NFIA: variants seen among roughly 807,000 people sequenced by gnomAD.
NFIA encodes nuclear factor I A.
In NFIA, 8 loss-of-function variants were observed where a neutral mutation model predicts 62.8. The ratio of observed to expected loss-of-function variants is 0.13; its 90% confidence interval spans 0.07 to 0.23. NFIA has a LOEUF of 0.23. Among genes scored for constraint, NFIA ranks in the 10% least tolerant of loss-of-function variants. The probability of loss-of-function intolerance (pLI) is 1.00; values close to 1 mark genes in which losing one functional copy is unlikely to be tolerated. For synonymous variants in NFIA, 235 were observed against 238.1 expected, an observed-to-expected ratio of 0.99 and a Z score of 0.12; for missense variants, 410 against 642.1, an observed-to-expected ratio of 0.64 and a Z score of 3.91.
chr1:61,444,815 C>A (rs1050256897), intron 10 of NFIA, among the ~76,000 whole-genome samples: 1 of 152,158 alleles, frequency 6.6e-6, no homozygotes, highest in African/African-American at 2.4e-5. Context: ...AATTTCCTAT[C>A]CATATGGCGA....
chr1:61,251,919 G>C (rs17377351), intron 2 of NFIA, among the ~76,000 whole-genome samples: 6,232 of 152,126 alleles, frequency 0.041, 180 homozygotes, highest in Non-Finnish European at 0.061. Context: ...TGAATATTAA[G>C]CCTCCTACAG....
intron 6 of NFIA, among the ~76,000 whole-genome samples, chr1:61,367,692 A>G (rs1368059220): frequency 1.3e-5 from 2 of 152,218 alleles, no homozygotes; most frequent in Admixed American, 6.5e-5. Flanking sequence ...TGCCTTCTTT[A>G]TCAAGGCTGT....
chr1:61,123,201 T>C (rs1180344689), intron 2 of NFIA, among the ~76,000 whole-genome samples: 1 of 152,214 alleles, frequency 6.6e-6, no homozygotes, highest in Non-Finnish European at 1.5e-5. Flanking sequence ...TTCAAATACA[T>C]AGGACAGAGC....
intron 3 of NFIA, among the ~76,000 whole-genome samples, chr1:61,320,283 CA>C (rs1420281756): frequency 6.6e-6 from 1 of 152,140 alleles, no homozygotes; most frequent in Non-Finnish European, 1.5e-5. Flanking sequence ...GCTAGGCCAG[CA>C]AACTTCAAAG....
At chr1:61,278,367 G>A in intron 3 of NFIA, among the ~76,000 whole-genome samples, 1 of 152,260 alleles carries the variant, frequency 6.6e-6, no homozygotes, top group African/African-American at 2.4e-5. Flanking sequence ...CAAACATTGT[G>A]TTACATACTT....
intron 3 of NFIA, among the ~76,000 whole-genome samples, chr1:61,290,424 G>A (rs2100306558): frequency 6.6e-6 from 1 of 152,230 alleles, no homozygotes; most frequent in Admixed American, 6.5e-5. Flanking sequence ...TTATTTAAAA[G>A]AATTGGTTAA....
chr1:61,174,239 C>T (rs905873787), intron 2 of NFIA, among the ~76,000 whole-genome samples: 2 of 152,186 alleles, frequency 1.3e-5, no homozygotes, highest in Admixed American at 6.5e-5. Context: ...GGTCTGTTCC[C>T]AGCCTTCCTT....
At chr1:61,132,131 A>G (rs1246769397) in intron 2 of NFIA, among the ~76,000 whole-genome samples, 2 of 152,234 alleles carry the variant, frequency 1.3e-5, no homozygotes, top group Non-Finnish European at 2.9e-5. Flanking sequence ...TGAGATTAGC[A>G]CTGAAGATAT....
chr1:61,434,978 A>G (rs1261251228), intron 10 of NFIA, among the ~76,000 whole-genome samples: 2 of 152,216 alleles, frequency 1.3e-5, no homozygotes, highest in Admixed American at 1.3e-4. Context: ...GTTGGTGGAC[A>G]GAACTGACAG....
Position 61,307,786 on chromosome 1 carries a change from G to A in NFIA, c.626-24726G>A, listed in dbSNP as rs1659879975. 2.6e-5 allele frequency among the ~76,000 whole-genome samples: 4 copies of A among 152,186 alleles called. No homozygotes were observed. In the South Asian group the frequency reaches 8.3e-4, roughly 32 times the overall value. ...GATCCATTTGCTAGCATCTTTTAAA[G>A]ACTCTGGATTTTTCTGAGCATTTTG... On this transcript the variant is annotated intron_variant, in intron 3 of 10. Transcript: ENST00000403491.
At chr1:61,151,879 A>G (rs1181106637) in intron 2 of NFIA, among the ~76,000 whole-genome samples, 7 of 152,106 alleles carry the variant, frequency 4.6e-5, no homozygotes, top group Non-Finnish European at 1.0e-4. Flanking sequence ...TATTTCAACA[A>G]TGAGACTTTT....
intron 3 of NFIA, among the ~76,000 whole-genome samples, chr1:61,280,638 C>T (rs888664237): frequency 6.6e-6 from 1 of 152,194 alleles, no homozygotes; most frequent in Admixed American, 6.5e-5. Flanking sequence ...AAAGTGGATG[C>T]AGCTGTTTCT....
chr1:61,378,280 TG>T (rs143033327), intron 6 of NFIA, among the ~76,000 whole-genome samples: 1 of 152,368 alleles, frequency 6.6e-6, no homozygotes, highest in Non-Finnish European at 1.5e-5. Flanking sequence ...AATCTAATTT[TG>T]TTATTGATGT....
rs1666995146 is a variant in NFIA, at chr1:61,429,196, TTTGA to T, written c.1512+2644_1512+2647del. Reference sequence around the variant, plus strand: ...AGATCTTTTTTAAGAAAAAGAGTTATTTGATTGTATATAGCTTCTACTGGGCATT... The same window carrying T: ...AGATCTTTTTTAAGAAAAAGAGTTATTTGTATATAGCTTCTACTGGGCATT... On this transcript the variant is annotated intron_variant, in intron 10 of 10. Transcript: ENST00000403491. Among the ~76,000 whole-genome samples, 5 of 152,358 alleles carry T rather than the reference TTTGA, an allele frequency of 3.3e-5. No homozygotes were observed. In the South Asian group the frequency reaches 1.0e-3, roughly 32 times the overall value.
intron 4 of NFIA, among the ~76,000 whole-genome samples, chr1:61,351,790 C>G (rs1488677175): frequency 6.6e-6 from 1 of 152,158 alleles, no homozygotes; most frequent in Admixed American, 6.5e-5. Flanking sequence ...CATATGGTCT[C>G]TGTTGCAGCT....
At chr1:61,193,982 G>T (rs1015879131) in intron 2 of NFIA, among the ~76,000 whole-genome samples, 1 of 152,168 alleles carries the variant, frequency 6.6e-6, no homozygotes, top group Admixed American at 6.5e-5. Flanking sequence ...TTGGCCTGAT[G>T]AATTTAATTA....
At chr1:61,235,471 TAAATA>T (rs1260559450) in intron 2 of NFIA, among the ~76,000 whole-genome samples, 2 of 133,200 alleles carry the variant, frequency 1.5e-5, no homozygotes, top group African/African-American at 5.8e-5. Flanking sequence ...TCAAAATAAA[TAAATA>T]AATAAATAAA....
chr1:61,239,243 C>G (rs1001056030), intron 2 of NFIA, among the ~76,000 whole-genome samples: 4 of 152,094 alleles, frequency 2.6e-5, no homozygotes, highest in Non-Finnish European at 5.9e-5. Context: ...AATAAAGTGG[C>G]ACAACAACAG....
intron 2 of NFIA, among the ~76,000 whole-genome samples, chr1:61,230,578 CCA>C (rs1654612558): frequency 6.6e-6 from 1 of 152,134 alleles, no homozygotes; most frequent in Non-Finnish European, 1.5e-5. Context: ...CTCTTTACTC[CCA>C]GTCTTTCCCA....
Sources: gnomAD v4.1 joint callset for allele counts (sites outside exome capture counted in the v4.1 genomes callset) on GRCh38, gnomAD v4.1.1 for gene constraint, MANE v1.5 for transcripts, NCBI Gene and HGNC (gene_info 2026-07-23, HGNC 2026-07-21) for gene names.